The following ASPM variants were observed in gnomAD, a reference collection of about 807,000 sequenced individuals.
The protein encoded by ASPM is assembly factor for spindle microtubules.
Under a neutral mutation model 366.4 loss-of-function variants are expected in ASPM, and 256 were observed. The ratio of observed to expected loss-of-function variants is 0.70; its 90% CI spans 0.63 to 0.77. The LOEUF (loss-of-function observed/expected upper bound fraction) is 0.77, where lower values mean the gene tolerates loss of function less well. ASPM is among the 30% of genes least tolerant of loss of function. ASPM has a pLI of 0.00. For synonymous variants in ASPM, 1,414 were observed against 1,342.9 expected (o/e 1.05, Z -1.16); for missense variants, 4,146 against 4,090.4 (o/e 1.01, Z -0.37).
chr1:197,107,006 A>G (rs551768755), intron 17 of ASPM, among the ~76,000 whole-genome samples: 1 of 152,164 alleles, frequency 6.6e-6, no homozygotes. Flanking sequence ...CATACAAAAG[A>G]GTTTCTCTGC....
At chr1:197,088,574 T>C in intron 25 of ASPM, 142 bp from the exon 26 acceptor site, 3 of 640,044 alleles carry the variant, frequency 4.7e-6, no homozygotes, top group Non-Finnish European at 8.1e-6. Flanking sequence ...AAGGACTTTG[T>C]GAAATAGCTT....
At chr1:197,110,531 A>G (rs1171536712) in intron 17 of ASPM, among the ~76,000 whole-genome samples, 7 of 152,076 alleles carry the variant, frequency 4.6e-5, no homozygotes, top group African/African-American at 1.7e-4. Flanking sequence ...CTGGATTCCA[A>G]TAAAATGAAC....
At position 197,143,705 on chromosome 1, in the gene ASPM, G is replaced by C. The variant is rs768050696; in HGVS notation, c.547C>G (p.Gln183Glu). 3 of 1,613,774 alleles carry C rather than the reference G, an allele frequency of 1.9e-6. No individual in the cohort carries two copies. The highest frequency in any genetic ancestry group is 2.2e-5 in the South Asian group (2 of 91,066). Reference protein sequence around the residue: ...QNVNKTFSVSQKVDRVRSPLQ... With the variant: ...QNVNKTFSVSEKVDRVRSPLQ... ...GGGCTCCTAACTCTGTCAACTTTTT[G>C]GGAAACACTAAATGTTTTATTAACA... The change falls in exon 3 of 28, where the codon CAA becomes GAA. Residue 183 changes from glutamine to glutamate, a missense_variant. Transcript: ENST00000367409.
At position 197,125,072 on chromosome 1, in the gene ASPM, C is replaced by T. The variant is rs780791970; in HGVS notation, c.3056G>A (p.Arg1019Gln). 53 of 1,613,814 alleles carry T rather than the reference C, an allele frequency of 3.3e-5. No homozygotes were observed. Among genetic ancestry groups the T allele is most frequent in the Non-Finnish European group, 3.9e-5 (46 of 1,179,936 alleles). Residue 1019 changes from arginine (R) to glutamine (Q), a missense_variant, in exon 11 of 28, where the codon CGA (arginine) becomes CAA (glutamine). Transcript: ENST00000367409. ...VDIVLQVLKS[R>Q]GIELSDEHGN... ...ATGCTCATCACTTAATTCAATTCCT[C>T]GTGATTTAAGAACTTGAAGAACAAT...
rs1656519083 is a variant in ASPM at position 197,084,327 on chromosome 1, A to G, written c.10431T>C (p.Tyr3477=). ...QMVMDTLGIP[Y] ...ATACTGAAAATGTTTACATTTACTA[A>G]TAAGGAATGCCAAGCGTATCCATCA... Residue 3477 remains tyrosine (Y), a synonymous_variant, in exon 28 of 28, where the codon TAT becomes TAC. Transcript: ENST00000367409. The G allele has an allele frequency of 6.2e-7, 1 of 1,602,052 alleles. No homozygotes were observed. The highest frequency in any genetic ancestry group is 8.6e-7 in the Non-Finnish European group (1 of 1,169,502).
chr1:197,086,747 G>A, intron 27 of ASPM, 56 bp downstream of exon 27: 2 of 1,418,114 alleles, frequency 1.4e-6, no homozygotes, highest in Non-Finnish European at 2.0e-6. Context: ...ATAAATATTT[G>A]TTAAATGAAT....
chr1:197,104,687 T>C lies in ASPM; in HGVS notation c.4564A>G (p.Lys1522Glu). 6.2e-7 allele frequency: 1 copy of C among 1,613,124 alleles called. No individual in the cohort carries two copies. The highest frequency in any genetic ancestry group is 8.5e-7 in the Non-Finnish European group (1 of 1,179,404). Residue 1522 changes from lysine (K) to glutamate (E), a missense_variant, in exon 18 of 28, where the codon AAA becomes GAA. Coordinates refer to ENST00000367409, the MANE Select transcript of ASPM (RefSeq NM_018136.5). ...ESILTIQKYY[K>E]AYLKGKIERT... ...TCAATCTTTCCTTTCAGATATGCTT[T>C]GTAGTACTTCTGGATGGTTAGTATG...
chr1:197,097,425 G>T (rs764564568), intron 18 of ASPM, among the ~76,000 whole-genome samples: 2 of 151,642 alleles, frequency 1.3e-5, no homozygotes, highest in Non-Finnish European at 3.0e-5. Flanking sequence ...CTGGGTCGGT[G>T]CACATAAATA....
Position 197,084,388 on chromosome 1 carries a change from T to A in ASPM, c.10370A>T (p.Glu3457Val). 1 of 1,612,696 alleles carries A rather than the reference T, an allele frequency of 6.2e-7. No individual in the cohort carries two copies. Residue 3457 changes from glutamate (E) to valine (V), a missense_variant, in exon 28 of 28, where the codon GAA becomes GTA. Physicochemically the swap from Glu to Val is moderately radical, Grantham distance 121 (BLOSUM62 -2). Transcript: ENST00000367409. ...AGCTTGCAGGGGATTTGTGATTTCT[T>A]CCATGTTATCTCTTCTCAAAACCCA... The part of the protein sequence containing the change: ...PDWVLRRDNM[E>V]EITNPLQAIQ...
rs757423960 is a variant in ASPM, at chr1:197,124,305, T to C, written c.3195A>G (p.Gln1065=). 3.1e-5 allele frequency: 49 copies of C among 1,584,860 alleles called. No homozygotes were observed. The highest frequency in any genetic ancestry group is 4.2e-5 in the Non-Finnish European group (48 of 1,155,510). Residue 1065 remains glutamine (Q), a synonymous_variant, in exon 13 of 28, where the codon CAA becomes CAG. Coordinates refer to ENST00000367409, the MANE Select transcript of ASPM (RefSeq NM_018136.5). ...FQVDISLNLD[Q]LKEEIAFLKH... is the part of the protein sequence containing the mutation. ...TTAGAAAGGCAATTTCTTCCTTTAATTGATCTAAGTTAAGGGAAATATCCA... is the reference window on the plus strand; with the variant it reads ...TTAGAAAGGCAATTTCTTCCTTTAACTGATCTAAGTTAAGGGAAATATCCA...
In ASPM at chr1:197,143,613, T is replaced by C. The variant is rs766195570; in HGVS notation, c.639A>G (p.Ile213Met). Residue 213 changes from isoleucine (I) to methionine (M), a missense_variant, in exon 3 of 28, where the codon ATA becomes ATG. Ile to Met is a conservative substitution (Grantham distance 10). This residue lies in a region of ASPM where 512 missense variants were observed against 471.7 expected (regional missense o/e 1.09). Transcript: ENST00000367409. ...ATATGGGTATTTTATTTTCTTCAAGTATTAAAGAATTGTTTTCTGTTGGGG... is the reference window on the plus strand; with the variant it reads ...ATATGGGTATTTTATTTTCTTCAAGCATTAAAGAATTGTTTTCTGTTGGGG... ...GGPPTENNSL[I>M]LEENKIPISP... 78 of 1,612,950 alleles carry C rather than the reference T, an allele frequency of 4.8e-5. No homozygotes were observed. Among genetic ancestry groups the C allele is most frequent in the Non-Finnish European group, 6.1e-5 (72 of 1,179,842 alleles).
chr1:197,100,118 C>A (rs577039535), intron 18 of ASPM, among the ~76,000 whole-genome samples: 1 of 151,792 alleles, frequency 6.6e-6, no homozygotes, highest in South Asian at 2.1e-4. Flanking sequence ...ATATTTTCCA[C>A]TTAAAGAAAT....
chr1:197,084,425 G>A lies in ASPM; in HGVS notation c.10333C>T (p.Leu3445Phe). Residue 3445 changes from leucine (L) to phenylalanine (F), a missense_variant and splice_region_variant, in exon 28 of 28, where the codon CTT becomes TTT. Physicochemically the swap from Leu to Phe is conservative, Grantham distance 22 (BLOSUM62 0). Around this residue, in one of 3 missense-constraint regions of ASPM, gnomAD observed 3,624 missense variants for 3,591.7 expected, o/e 1.01. Coordinates refer to ENST00000367409, the MANE Select transcript of ASPM (RefSeq NM_018136.5). Reference protein sequence around the residue: ...TPVRTRIVSRLKPDWVLRRDN... With the variant: ...TPVRTRIVSRFKPDWVLRRDN... ...CTTCTCAAAACCCAATCTGGCTTAA[G>A]TCTGTTAAAAAAAAAAAAAAAGTCT... 1 of 1,540,536 alleles carries A rather than the reference G, an allele frequency of 6.5e-7. No homozygotes were observed.
chr1:197,085,297 TC>T (rs1656553396), intron 27 of ASPM, among the ~76,000 whole-genome samples: 1 of 152,164 alleles, frequency 6.6e-6, no homozygotes, highest in Admixed American at 6.5e-5. Flanking sequence ...GCCAGCATGC[TC>T]CCTTTCTCTC....
intron 23 of ASPM, 69 bp downstream of exon 23, chr1:197,090,781 A>G: frequency 7.2e-7 from 1 of 1,396,098 alleles, no homozygotes; most frequent in Non-Finnish European, 1.0e-6. Context: ...ATGTTTTTAT[A>G]GTGTTAGATA....
chr1:197,117,927 T>C lies in ASPM; in HGVS notation c.3927A>G (p.Lys1309=). The C allele has an allele frequency of 6.2e-7, 1 of 1,613,688 alleles. No individual in the cohort carries two copies. Among genetic ancestry groups the C allele is most frequent in the South Asian group, 1.1e-5 (1 of 91,072 alleles). The part of the protein sequence containing the change: ...IQLAVINFLA[K]QRLRKRVNAA... ...CATTAACTCTTTTTCTCAATCTTTG[T>C]TTTGCTAGAAAATTGATTACAGCCA... Residue 1309 remains lysine, a synonymous_variant, in exon 17 of 28, where the codon AAA becomes AAG. Transcript: ENST00000367409.
In ASPM at chr1:197,093,175, C is replaced by A; in HGVS notation, c.9171G>T (p.Leu3057Phe). ...TGGCTCGTATATATTTTTGTATGATCAAAGCAGCAGATTTCTGCCGAAGAA... is the reference window on the plus strand; with the variant it reads ...TGGCTCGTATATATTTTTGTATGATAAAAGCAGCAGATTTCTGCCGAAGAA... ...QVFLRQKSAA[L>F]IIQKYIRARE... The change falls in exon 21 of 28, where the codon TTG (leucine) becomes TTT (phenylalanine). Residue 3057 changes from leucine (L) to phenylalanine (F), a missense_variant. Leu to Phe is a conservative substitution (Grantham distance 22, BLOSUM62 0). Around this residue, in one of 3 missense-constraint regions of ASPM, gnomAD observed 3,624 missense variants for 3,591.7 expected, o/e 1.01. Coordinates refer to ENST00000367409, the MANE Select transcript of ASPM (RefSeq NM_018136.5). The A allele has an allele frequency of 6.2e-7, 1 of 1,612,592 alleles. No homozygotes were observed. Among genetic ancestry groups the A allele is most frequent in the Non-Finnish European group, 8.5e-7 (1 of 1,179,034 alleles).
chr1:197,126,209 G>A (rs1345298930), intron 10 of ASPM, among the ~76,000 whole-genome samples: 2 of 152,118 alleles, frequency 1.3e-5, no homozygotes, highest in African/African-American at 2.4e-5. Context: ...GGGAGGCTGA[G>A]GTGGGTGGAT....
intron 19 of ASPM, among the ~76,000 whole-genome samples, chr1:197,095,330 C>A (rs1369661616): frequency 1.3e-5 from 2 of 151,678 alleles, no homozygotes; most frequent in Non-Finnish European, 2.9e-5. Flanking sequence ...CTGCTTCTAC[C>A]CATGGGCTTC....
Sources: allele counts gnomAD v4.1 joint callset (sites outside exome capture counted in the v4.1 genomes callset), GRCh38; gene constraint gnomAD v4.1.1; regional missense constraint gnomAD v4.1.1; transcripts MANE v1.5; gene names NCBI Gene and HGNC (gene_info 2026-07-23, HGNC 2026-07-21).